ZPLD1: variants seen among roughly 807,000 people sequenced by gnomAD.
ZPLD1 encodes the protein zona pellucida-like domain-containing protein 1.
Under a neutral mutation model 47.2 loss-of-function variants are expected in ZPLD1, and 34 were observed. That is an observed-to-expected ratio of 0.72 (90% CI 0.55 to 0.96). ZPLD1 has a LOEUF of 0.96. Among genes scored for constraint, ZPLD1 ranks in the 40% least tolerant of loss-of-function variants. ZPLD1 has a pLI of 0.00. For synonymous variants in ZPLD1, 176 were observed against 186.2 expected (o/e 0.95, Z 0.45); for missense variants, 512 against 505.8 (o/e 1.01, Z -0.12).
At chr3:102,476,253 C>A (rs1357933986) in intron 10 of ZPLD1, among the ~76,000 whole-genome samples, 1 of 152,018 alleles carries the variant, frequency 6.6e-6, no homozygotes, top group African/African-American at 2.4e-5. Context: ...TATTAAAACA[C>A]AAATATGAAA....
At position 102,438,609 on chromosome 3, in the gene ZPLD1, A is replaced by G. The variant is rs574774931; in HGVS notation, c.106+16A>G. 309 of 1,571,742 alleles carry G rather than the reference A, an allele frequency of 2.0e-4. 3 individuals carry two copies. In the South Asian group the frequency reaches 3.2e-3, roughly 16 times the overall value. On this transcript the variant is annotated intron_variant, in intron 3 of 11. Transcript: ENST00000466937. ...AGATTTCCTGGTAAGTGTAAGCCTAATCTATTCTCTAGTTGTTTCTGGAAG... is the reference window on the plus strand; with the variant it reads ...AGATTTCCTGGTAAGTGTAAGCCTAGTCTATTCTCTAGTTGTTTCTGGAAG...
At chr3:102,400,960 A>G (rs2107291575) in intron 7 of ZPLD1, among the ~76,000 whole-genome samples, 1 of 152,222 alleles carries the variant, frequency 6.6e-6, no homozygotes, top group South Asian at 2.1e-4. Flanking sequence ...ATTCCACATG[A>G]ATTTCAAACC....
chr3:102,427,763 G>A (rs1457540359), intron 8 of ZPLD1, among the ~76,000 whole-genome samples: 1 of 152,170 alleles, frequency 6.6e-6, no homozygotes, highest in African/African-American at 2.4e-5. Context: ...GCCCTACTAT[G>A]TGGCATAAAT....
At chr3:102,455,816 C>G (rs954200719) in intron 4 of ZPLD1, among the ~76,000 whole-genome samples, 1 of 152,074 alleles carries the variant, frequency 6.6e-6, no homozygotes, top group African/African-American at 2.4e-5. Flanking sequence ...GCATTATCAT[C>G]AAGAGTTGGA....
chr3:102,403,442 G>C (rs1164634120), intron 7 of ZPLD1, among the ~76,000 whole-genome samples: 3 of 151,892 alleles, frequency 2.0e-5, no homozygotes, highest in Non-Finnish European at 4.4e-5. Context: ...ATCATGAATT[G>C]GTGGAGAAAG....
chr3:102,390,669 T>C (rs1706485213), intron 6 of ZPLD1, among the ~76,000 whole-genome samples: 1 of 152,166 alleles, frequency 6.6e-6, no homozygotes, highest in African/African-American at 2.4e-5. Flanking sequence ...TTCACAATGA[T>C]TATAGATCTC....
intron 6 of ZPLD1, among the ~76,000 whole-genome samples, chr3:102,391,704 C>T (rs1706497610): frequency 1.3e-5 from 2 of 152,178 alleles, no homozygotes; most frequent in Middle Eastern, 3.4e-3. Flanking sequence ...TATGATGCAG[C>T]AGTCAGATAT....
chr3:102,435,222 A>G, intron 1 of ZPLD1, 68 bp downstream of exon 1: 4 of 1,561,276 alleles, frequency 2.6e-6, no homozygotes, highest in Non-Finnish European at 3.5e-6. Flanking sequence ...CAGTTGAACT[A>G]TAAAGAAGGC....
intron 8 of ZPLD1, 81 bp downstream of exon 8, chr3:102,464,332 A>G (rs1707558401): frequency 9.7e-7 from 1 of 1,030,586 alleles, no homozygotes; most frequent in South Asian, 1.4e-5. Context: ...TAAGTCAGAT[A>G]AATTATAAAG....
intron 8 of ZPLD1, among the ~76,000 whole-genome samples, chr3:102,466,180 A>G (rs1418164002): frequency 6.6e-6 from 1 of 152,202 alleles, no homozygotes; most frequent in African/African-American, 2.4e-5. Context: ...GGCTGATGGT[A>G]GAACCCTGTG....
intron 2 of ZPLD1, 40 bp from the exon 3 acceptor site, chr3:102,438,439 GT>G (rs11340850): frequency 0.14 from 202,858 of 1,441,332 alleles, 14,949 homozygotes; most frequent in Middle Eastern, 0.2. Flanking sequence ...GAGTGAAGGA[GT>G]TAAGTGGGAG....
At chr3:102,388,429 G>GTCTCTCTCTCTCTCTC (rs71781267) in intron 6 of ZPLD1, among the ~76,000 whole-genome samples, 1,395 of 135,788 alleles carry the variant, frequency 0.01, 11 homozygotes, top group Non-Finnish European at 0.014. Context: ...CTCTCCTGGA[G>GTCTCTCTCTCTCTCTC]TCTCTCTCTC....
At chr3:102,446,419 T>C (rs1206731155) in intron 3 of ZPLD1, among the ~76,000 whole-genome samples, 1 of 152,240 alleles carries the variant, frequency 6.6e-6, no homozygotes, top group Non-Finnish European at 1.5e-5. Context: ...TTACTATTAT[T>C]ATTGATATAC....
chr3:102,421,771 A>C (rs1019612393), intron 8 of ZPLD1, among the ~76,000 whole-genome samples: 4 of 151,888 alleles, frequency 2.6e-5, no homozygotes, highest in Non-Finnish European at 5.9e-5. Context: ...AATTAATTAA[A>C]GCTAGTTACA....
At chr3:102,412,627 G>A (rs1706758234) in intron 7 of ZPLD1, among the ~76,000 whole-genome samples, 3 of 151,694 alleles carry the variant, frequency 2.0e-5, no homozygotes, top group African/African-American at 7.3e-5. Flanking sequence ...TTGTTCCAAG[G>A]AGGAAGAATA....
At chr3:102,387,926 T>G (rs1339216977) in intron 6 of ZPLD1, among the ~76,000 whole-genome samples, 2 of 144,178 alleles carry the variant, frequency 1.4e-5, no homozygotes, top group African/African-American at 5.2e-5. Flanking sequence ...AGTGGTGCGA[T>G]CTCCGCTCAC....
At chr3:102,464,808 G>GA (rs1200950321) in intron 8 of ZPLD1, among the ~76,000 whole-genome samples, 3 of 152,048 alleles carry the variant, frequency 2.0e-5, no homozygotes, top group Admixed American at 6.6e-5. Context: ...ATATATCTGG[G>GA]AAAAAAGGAC....
intron 10 of ZPLD1, among the ~76,000 whole-genome samples, chr3:102,476,385 G>A (rs996910134): frequency 1.3e-5 from 2 of 152,058 alleles, no homozygotes; most frequent in Admixed American, 1.3e-4. Flanking sequence ...ATCTATTATT[G>A]TGTTTGGCAG....
In ZPLD1 at chr3:102,451,020, G is replaced by A. The variant is rs530135441; in HGVS notation, c.107-1899G>A. ...TTTCCACCAACAAAGGAAATATTGC[G>A]TCGAATTTCCTATAACACCTAGCCG... is the stretch of plus-strand genomic sequence containing the variant. On this transcript the variant is annotated intron_variant, in intron 3 of 11. Transcript: ENST00000466937. 4.6e-5 allele frequency among the ~76,000 whole-genome samples: 7 copies of A among 152,140 alleles called. No individual in the cohort carries two copies. The South Asian group carries it at 6.2e-4, about 14-fold the overall frequency.
Sources: allele counts gnomAD v4.1 joint callset (sites outside exome capture counted in the v4.1 genomes callset), GRCh38; gene constraint gnomAD v4.1.1; transcripts MANE v1.5; gene names NCBI Gene and HGNC (gene_info 2026-07-23, HGNC 2026-07-21).